The following PCDHGA4 variants were observed in gnomAD, a reference collection of about 807,000 sequenced individuals.
PCDHGA4 encodes protocadherin gamma-A4.
PCDHGA4 carries 38 observed loss-of-function variants against 54.6 expected under a neutral mutation model. That is an observed-to-expected ratio of 0.70 (90% confidence interval 0.54 to 0.91). PCDHGA4 has a LOEUF of 0.91. PCDHGA4 is among the 40% of genes least tolerant of loss of function. PCDHGA4 has a pLI of 0.00. For missense variants in PCDHGA4, 1,298 were observed against 1,220.9 expected (o/e 1.06, Z -0.94); for synonymous variants, 511 against 512.9 (o/e 1.00, Z 0.05).
At chr5:141,375,106 T>C in intron 1 of PCDHGA4, 1 of 1,613,952 alleles carries the variant, frequency 6.2e-7, no homozygotes, top group East Asian at 2.2e-5. Context: ...TGGATGTCAA[T>C]GATAATGTAC....
intron 1 of PCDHGA4, chr5:141,371,379 G>A (rs993730534): frequency 6.2e-7 from 1 of 1,613,974 alleles, no homozygotes; most frequent in Non-Finnish European, 8.5e-7. Flanking sequence ...ACATCACACT[G>A]CATATTGTAA....
rs377367120 is a variant in PCDHGA4, at chr5:141,431,614, C to A, written c.2515-63193C>A. On this transcript the variant is annotated intron_variant, in intron 1 of 3. Transcript: ENST00000571252. The surrounding 1 kb of genome is among the most constrained non-coding windows in gnomAD (Gnocchi z 4.8). ...TGAGGTATTCCTTCCGGTATGTGGA[C>A]GACAAGGCGGCCCAAGTTTTCAAAC... The A allele has an allele frequency of 8.7e-6, 14 of 1,614,206 alleles. No individual in the cohort carries two copies. In the African/African-American group the frequency reaches 1.6e-4, roughly 18 times the overall value.
At chr5:141,415,640 T>C in intron 1 of PCDHGA4, 1 of 1,594,726 alleles carries the variant, frequency 6.3e-7, no homozygotes, top group Non-Finnish European at 8.5e-7. Context: ...TTTACTTTTG[T>C]TAAAAAAAAA....
In PCDHGA4 at chr5:141,432,518, C is replaced by T. The variant is rs1314948517; in HGVS notation, c.2515-62289C>T. 6.2e-7 allele frequency: 1 copy of T among 1,614,126 alleles called. No homozygotes were observed. The highest frequency in any genetic ancestry group is 8.5e-7 in the Non-Finnish European group (1 of 1,180,024). On this transcript the variant is annotated intron_variant, in intron 1 of 3. Coordinates refer to ENST00000571252, the MANE Select transcript of PCDHGA4 (RefSeq NM_018917.4). This position sits in a 1 kb window ranked among gnomAD's most constrained non-coding sequence, Gnocchi z 6.0. The stretch of plus-strand genomic sequence containing the variant: ...TCCCCGCTCCGCAGAGCCCGGCTAC[C>T]TGGTGACCAAGGTGGTGGCGGTGGA...
intron 1 of PCDHGA4, chr5:141,423,852 GT>G (rs971165220): frequency 2.5e-5 from 32 of 1,279,282 alleles, no homozygotes; most frequent in Non-Finnish European, 3.0e-5. Context: ...CTTTCAGAAC[GT>G]TTTTGTGAAA....
intron 1 of PCDHGA4, chr5:141,399,765 G>A: frequency 6.2e-7 from 1 of 1,613,356 alleles, no homozygotes; most frequent in African/African-American, 1.3e-5. Flanking sequence ...GCCTGCGCGT[G>A]TTGGTGGGCG....
At position 141,489,369 on chromosome 5, in the gene PCDHGA4, G is replaced by A. The variant is rs371328808; in HGVS notation, c.2515-5438G>A. The A allele has an allele frequency of 4.5e-5, 73 of 1,613,474 alleles. No individual in the cohort carries two copies. Among genetic ancestry groups the A allele is most frequent in the African/African-American group, 4.1e-4 (31 of 74,894 alleles). ...TGGTGGAGGAGTCTGAGCCGGGGACGCTGGTGGGGAATGTTGCTCAGGATC... is the reference window on the plus strand; with the variant it reads ...TGGTGGAGGAGTCTGAGCCGGGGACACTGGTGGGGAATGTTGCTCAGGATC... On this transcript the variant is annotated intron_variant, in intron 1 of 3. Transcript: ENST00000571252. This position sits in a 1 kb window ranked among gnomAD's most constrained non-coding sequence, Gnocchi z 4.5.
At chr5:141,376,345 C>G (rs747833428) in intron 1 of PCDHGA4, 1 of 1,614,084 alleles carries the variant, frequency 6.2e-7, no homozygotes, top group African/African-American at 1.3e-5. Context: ...AGACCTATTC[C>G]CACGAGGTCT....
At chr5:141,368,255 T>C (rs1354188654) in intron 1 of PCDHGA4, among the ~76,000 whole-genome samples, 1 of 152,202 alleles carries the variant, frequency 6.6e-6, no homozygotes, top group Non-Finnish European at 1.5e-5. Context: ...GAAAGGTTAA[T>C]TGACACATTA....
intron 1 of PCDHGA4, chr5:141,410,478 C>T (rs767257836): frequency 1.9e-6 from 3 of 1,613,992 alleles, no homozygotes; most frequent in Non-Finnish European, 2.5e-6. Flanking sequence ...ATTGCACATA[C>T]GGGTACAAAA....
In PCDHGA4 at chr5:141,512,267, G is replaced by C. The variant is rs2099884152; in HGVS notation, c.*1094G>C. On this transcript the variant is annotated 3_prime_UTR_variant, in exon 4 of 4. Coordinates refer to ENST00000571252, the MANE Select transcript of PCDHGA4 (RefSeq NM_018917.4). ...GCCTCTGTGGGTGCTGGGTACTCCA[G>C]AGGTGCCACTGGTGGAAGGGTCAGC... 2.6e-5 allele frequency: 4 copies of C among 152,744 alleles called. No homozygotes were observed. Among genetic ancestry groups the C allele is most frequent in the Admixed American group, 2.6e-4 (4 of 15,290 alleles). 9.5% of individuals were successfully genotyped at this position (152,744 alleles called of 1,614,324 possible). A position where few individuals can be genotyped will look rare whatever the true frequency, so the allele number is the denominator to read the frequency against.
At chr5:141,360,458 C>G (rs532873096) in intron 1 of PCDHGA4, 16 of 1,613,856 alleles carry the variant, frequency 9.9e-6, no homozygotes, top group Non-Finnish European at 1.4e-5. Flanking sequence ...GATTTCGATA[C>G]TGTCGCTGAA....
intron 1 of PCDHGA4, among the ~76,000 whole-genome samples, chr5:141,448,169 A>C (rs1418273084): frequency 6.6e-6 from 1 of 152,014 alleles, no homozygotes; most frequent in Non-Finnish European, 1.5e-5. Flanking sequence ...GATCACTACT[A>C]TTCATCCCTG....
intron 1 of PCDHGA4, among the ~76,000 whole-genome samples, chr5:141,450,830 T>TTTA (rs1554136905): frequency 6.9e-5 from 7 of 101,548 alleles, no homozygotes; most frequent in East Asian, 2.6e-4. Flanking sequence ...ATTATTATTA[T>TTTA]TTTTTTTTTT....
rs1443411888 is a variant in PCDHGA4, at chr5:141,374,687, C to T, written c.2514+17066C>T. 3.7e-6 allele frequency: 6 copies of T among 1,609,326 alleles called. No individual in the cohort carries two copies. In the East Asian group the frequency reaches 6.7e-5, roughly 18 times the overall value. ...GCTGGTGCTGGAGGGCACACTGGAC[C>T]GGGAAGGAGAAGCCGTTTACCGCCT... is the stretch of plus-strand genomic sequence containing the variant. On this transcript the variant is annotated intron_variant, in intron 1 of 3. Transcript: ENST00000571252.
intron 1 of PCDHGA4, among the ~76,000 whole-genome samples, chr5:141,451,134 T>C (rs567790185): frequency 9.9e-5 from 15 of 152,254 alleles, no homozygotes; most frequent in African/African-American, 3.6e-4. Context: ...AGCCTTATGA[T>C]TGTATTTAGA....
At chr5:141,379,868 T>C (rs1775901267) in intron 1 of PCDHGA4, among the ~76,000 whole-genome samples, 1 of 149,208 alleles carries the variant, frequency 6.7e-6, no homozygotes, top group African/African-American at 2.5e-5. Flanking sequence ...CTTATTCTTA[T>C]TTTATGGTCT....
intron 1 of PCDHGA4, among the ~76,000 whole-genome samples, chr5:141,439,530 C>T (rs1003383726): frequency 6.6e-6 from 1 of 152,180 alleles, no homozygotes; most frequent in Non-Finnish European, 1.5e-5. Flanking sequence ...CTCTACAGAA[C>T]GCTGTCCTCT....
chr5:141,500,277 C>T (rs1595660442), intron 2 of PCDHGA4, among the ~76,000 whole-genome samples: 1 of 151,718 alleles, frequency 6.6e-6, no homozygotes, highest in Non-Finnish European at 1.5e-5. Context: ...GGCGCAATCT[C>T]GGCTCACTGC....
Sources: gnomAD v4.1 joint callset for allele counts (sites outside exome capture counted in the v4.1 genomes callset) on GRCh38, gnomAD v4.1.1 for gene constraint, Gnocchi (gnomAD v3.1) non-coding constraint, MANE v1.5 for transcripts, NCBI Gene and HGNC (gene_info 2026-07-23, HGNC 2026-07-21) for gene names.